F2R: variants seen among roughly 807,000 people sequenced by gnomAD.
F2R encodes proteinase-activated receptor 1.
In F2R, 12 loss-of-function variants were observed where a neutral mutation model predicts 18.3. The ratio of observed to expected loss-of-function variants is 0.66; its 90% CI spans 0.42 to 1.06. The LOEUF (loss-of-function observed/expected upper bound fraction) is 1.06. Ranked by LOEUF, F2R falls within the 50% of genes least tolerant of loss-of-function variation. The probability of loss-of-function intolerance (pLI) is 0.00; values close to 1 mark genes in which losing one functional copy is unlikely to be tolerated. For synonymous variants in F2R, 210 were observed against 219.9 expected (o/e 0.95, Z 0.40); for missense variants, 438 against 530.8 (o/e 0.83, Z 1.72).
At chr5:76,720,675 T>G (rs1748432853) in intron 1 of F2R, among the ~76,000 whole-genome samples, 1 of 152,124 alleles carries the variant, frequency 6.6e-6, no homozygotes, top group Non-Finnish European at 1.5e-5. Context: ...CATTCTCCCT[T>G]CCCCTACCCC....
chr5:76,718,338 TACC>T, intron 1 of F2R, among the ~76,000 whole-genome samples: 1 of 152,364 alleles, frequency 6.6e-6, no homozygotes, highest in South Asian at 2.1e-4. Flanking sequence ...TACTTTCTAT[TACC>T]ACCATGCATT....
At chr5:76,722,950 CAAA>C (rs11459024) in intron 1 of F2R, among the ~76,000 whole-genome samples, 2 of 145,044 alleles carry the variant, frequency 1.4e-5, no homozygotes, top group African/African-American at 5.1e-5. Context: ...GACTCTGTAT[CAAA>C]AAAAAAAAAA....
At position 76,732,421 on chromosome 5, in the gene F2R, T is replaced by A; in HGVS notation, c.196T>A (p.Leu66Ile). 6.2e-7 allele frequency: 1 copy of A among 1,614,126 alleles called. No individual in the cohort carries two copies. The highest frequency in any genetic ancestry group is 8.5e-7 in the Non-Finnish European group (1 of 1,180,024). The change falls in exon 2 of 2, where the codon TTA becomes ATA. Residue 66 changes from leucine to isoleucine, a missense_variant. By Grantham distance (5) the Leu-to-Ile change is conservative (BLOSUM62 2). Coordinates refer to ENST00000319211, the MANE Select transcript of F2R (RefSeq NM_001992.5). ...WEDEEKNESGLTEYRLVSINK... is the reference protein window; with the variant it reads ...WEDEEKNESGITEYRLVSINK... Reference sequence around the variant, plus strand: ...GGATGAGGAGAAAAATGAAAGTGGGTTAACTGAATACAGATTAGTCTCCAT... The same window carrying A: ...GGATGAGGAGAAAAATGAAAGTGGGATAACTGAATACAGATTAGTCTCCAT...
chr5:76,722,830 C>A (rs551584456), intron 1 of F2R, among the ~76,000 whole-genome samples: 2 of 152,012 alleles, frequency 1.3e-5, no homozygotes, highest in South Asian at 4.2e-4. Context: ...GCACAACTGT[C>A]ATCCCAGCTA....
At position 76,734,542 on chromosome 5, in the gene F2R, G is replaced by C. The variant is rs182200038; in HGVS notation, c.*1039G>C. On this transcript the variant is annotated 3_prime_UTR_variant, in exon 2 of 2. Coordinates refer to ENST00000319211, the MANE Select transcript of F2R (RefSeq NM_001992.5). Reference sequence around the variant, plus strand: ...CAACGAAAGAAGGCATGGACTTCTGGATGCCCATCCACTGGGTGTAAACAC... The same window carrying C: ...CAACGAAAGAAGGCATGGACTTCTGCATGCCCATCCACTGGGTGTAAACAC... 6.6e-6 allele frequency: 1 copy of C among 152,454 alleles called. No homozygotes were observed. The highest frequency in any genetic ancestry group is 1.9e-4 in the East Asian group (1 of 5,318). 9.4% of individuals were successfully genotyped at this position (152,454 alleles called of 1,614,324 possible). A position where few individuals can be genotyped will look rare whatever the true frequency, so the allele number is the denominator to read the frequency against.
rs1365936800 is a variant in F2R, at chr5:76,722,376, C to CTGAGCT, written c.88+5985_88+5986insCTTGAG. Among the ~76,000 whole-genome samples the CTGAGCT allele has an allele frequency of 2.0e-5, 3 of 152,174 alleles. No homozygotes were observed. In the East Asian group the frequency reaches 5.8e-4, roughly 29 times the overall value. On this transcript the variant is annotated intron_variant, in intron 1 of 1. Coordinates refer to ENST00000319211, the MANE Select transcript of F2R (RefSeq NM_001992.5). ...GGAGAAATGGGGAAAGCCGGGGAAC[C>CTGAGCT]TGAGTAGTTCCCGGGCAAGGCCTGC...
In F2R at chr5:76,731,529, C is replaced by CT. The variant is rs571588325; in HGVS notation, c.89-784dup. Among the ~76,000 whole-genome samples the CT allele has an allele frequency of 3.5e-3, 492 of 141,474 alleles. 4 individuals carry two copies. Among genetic ancestry groups the CT allele is most frequent in the African/African-American group, 0.012 (473 of 38,508 alleles). The allele number at this position is 141,474 out of a possible 152,430, so 92.8% of individuals were successfully genotyped here. Reference sequence around the variant, plus strand: ...TCTACTTTTTTTTTTTTTTTAATTTCTATTTATTTTTATTTTTTGAGACGG... The same window carrying CT: ...TCTACTTTTTTTTTTTTTTTAATTTCTTATTTATTTTTATTTTTTGAGACGG... On this transcript the variant is annotated intron_variant, in intron 1 of 1. Transcript: ENST00000319211.
At chr5:76,727,560 C>G (rs1748586832) in intron 1 of F2R, among the ~76,000 whole-genome samples, 1 of 152,182 alleles carries the variant, frequency 6.6e-6, no homozygotes, top group Non-Finnish European at 1.5e-5. Flanking sequence ...GACCCTCTCC[C>G]AACTTTGCTT....
At chr5:76,727,521 C>T (rs1748586260) in intron 1 of F2R, among the ~76,000 whole-genome samples, 1 of 152,196 alleles carries the variant, frequency 6.6e-6, no homozygotes, top group South Asian at 2.1e-4. Context: ...TGACAGATCT[C>T]CTGCCAGGCC....
intron 1 of F2R, among the ~76,000 whole-genome samples, chr5:76,720,390 C>T (rs933543189): frequency 2.0e-5 from 3 of 152,046 alleles, no homozygotes; most frequent in South Asian, 2.1e-4. Flanking sequence ...GCCATGGTCA[C>T]GTGACTACAC....
intron 1 of F2R, among the ~76,000 whole-genome samples, chr5:76,717,065 AAG>A (rs980589021): frequency 4.6e-5 from 7 of 152,308 alleles, no homozygotes; most frequent in Admixed American, 6.5e-5. Flanking sequence ...AAGTGAGTTG[AAG>A]AGAGAGATCC....
At chr5:76,720,153 T>C (rs1158977547) in intron 1 of F2R, among the ~76,000 whole-genome samples, 1 of 152,156 alleles carries the variant, frequency 6.6e-6, no homozygotes, top group East Asian at 1.9e-4. Context: ...CATACCAGCA[T>C]AGCAGGTTCT....
intron 1 of F2R, among the ~76,000 whole-genome samples, chr5:76,731,445 G>A (rs1470522264): frequency 6.6e-6 from 1 of 151,648 alleles, no homozygotes; most frequent in Non-Finnish European, 1.5e-5. Flanking sequence ...CTGTGCTCCA[G>A]CCTGGGCAAC....
In F2R at chr5:76,734,219, A is replaced by G. The variant is rs1203030070; in HGVS notation, c.*716A>G. On this transcript the variant is annotated 3_prime_UTR_variant, in exon 2 of 2. Transcript: ENST00000319211. ...ACACTGTACACATAAGCCAAAACTG[A>G]GCATAAGTCCTCTAGTGAATGTAGG... 2 of 152,350 alleles carry G rather than the reference A, an allele frequency of 1.3e-5. No individual in the cohort carries two copies. Among genetic ancestry groups the G allele is most frequent in the Non-Finnish European group, 2.9e-5 (2 of 68,046 alleles). 9.4% of individuals were successfully genotyped at this position (152,350 alleles called of 1,614,324 possible).
intron 1 of F2R, among the ~76,000 whole-genome samples, chr5:76,719,343 A>C (rs1194044292): frequency 6.6e-6 from 1 of 152,202 alleles, no homozygotes; most frequent in Non-Finnish European, 1.5e-5. Flanking sequence ...TAATCCCAGC[A>C]CTTTGGGAGG....
rs1422237647 is a variant in F2R, at chr5:76,734,570, C to G, written c.*1067C>G. ...GCCCATCCACTGGGTGTAAACACAT[C>G]TAGTAGTTGTTCTGAAATGTCAGTT... On this transcript the variant is annotated 3_prime_UTR_variant, in exon 2 of 2. Transcript: ENST00000319211. 1 of 152,306 alleles carries G rather than the reference C, an allele frequency of 6.6e-6. No homozygotes were observed. Among genetic ancestry groups the G allele is most frequent in the Non-Finnish European group, 1.5e-5 (1 of 68,030 alleles). 9.4% of individuals were successfully genotyped at this position (152,306 alleles called of 1,614,324 possible).
intron 1 of F2R, among the ~76,000 whole-genome samples, chr5:76,725,134 G>T (rs931166583): frequency 1.2e-4 from 18 of 152,202 alleles, no homozygotes. Flanking sequence ...TGGAATGCTG[G>T]TGTGGTATAA....
chr5:76,716,745 T>C, intron 1 of F2R: 1 of 641,274 alleles, frequency 1.6e-6, no homozygotes, highest in Admixed American at 2.6e-5. Context: ...AGAAAAGCTC[T>C]CACGTTGCTC....
chr5:76,722,616 C>G (rs1038519964), intron 1 of F2R, among the ~76,000 whole-genome samples: 3 of 152,200 alleles, frequency 2.0e-5, no homozygotes, highest in African/African-American at 7.2e-5. Context: ...GGAGAGGAGG[C>G]CTCTGATATT....
Sources: allele counts gnomAD v4.1 joint callset (sites outside exome capture counted in the v4.1 genomes callset), GRCh38; gene constraint gnomAD v4.1.1; transcripts MANE v1.5; gene names NCBI Gene and HGNC (gene_info 2026-07-23, HGNC 2026-07-21).